Variants in AP3D1 observed in about 807,000 individuals in gnomAD.
AP3D1 encodes the protein AP-3 complex subunit delta-1.
In AP3D1, 51 loss-of-function variants were observed where a neutral mutation model predicts 147.6. That is an observed-to-expected ratio of 0.35 (90% CI 0.28 to 0.44). The LOEUF is 0.44. Ranked by LOEUF, AP3D1 falls within the 20% of genes least tolerant of loss-of-function variation. AP3D1 has a pLI of 1.00. For missense variants in AP3D1, 1,421 were observed against 1,624.2 expected (o/e 0.87, Z 2.15); for synonymous variants, 760 against 663.0 (o/e 1.15, Z -2.25).
chr19:2,114,143 C>T lies in AP3D1; in HGVS notation c.2583G>A (p.Lys861=), dbSNP rs1218176901. ...GCCTTACCTTCTTCTCCTTCTCCTT[C>T]TTCTTCTCCTTGTCTCTCTCTTTCT... ...HKEKERDKEK[K]KEKEKKAEDL... Residue 861 remains lysine, a synonymous_variant, in exon 22 of 32, where the codon AAG becomes AAA. Transcript: ENST00000643116. The T allele has an allele frequency of 5.1e-6, 8 of 1,560,996 alleles. No individual in the cohort carries two copies. The highest frequency in any genetic ancestry group is 4.8e-5 in the East Asian group (2 of 41,810).
rs1010519171 is a variant in AP3D1 at position 2,111,506 on chromosome 19, C to CG, written c.2937+172dup. The CG allele has an allele frequency of 2.5e-6, 3 of 1,198,718 alleles. No individual in the cohort carries two copies. The East Asian group carries it at 7.7e-5, about 31-fold the overall frequency. 74.3% of individuals were successfully genotyped at this position (1,198,718 alleles called of 1,614,324 possible). A position where few individuals can be genotyped will look rare whatever the true frequency, so the allele number is the denominator to read the frequency against. ...GCTCCCAGGACCACACAGCCCACCA[C>CG]GGGGGTGCCTAATGTGGGGCTGCGG... is the stretch of plus-strand genomic sequence containing the variant. On this transcript the variant is annotated intron_variant, in intron 25 of 31. Transcript: ENST00000643116.
intron 31 of AP3D1, among the ~76,000 whole-genome samples, chr19:2,107,344 A>G (rs1599437490): frequency 1.3e-5 from 2 of 152,224 alleles, no homozygotes; most frequent in East Asian, 1.9e-4. Context: ...GAGCCAGAAG[A>G]AGGCAGAGAA....
intron 1 of AP3D1, 92 bp downstream of exon 1, chr19:2,151,147 G>A (rs2019498033): frequency 1.9e-5 from 24 of 1,238,596 alleles, no homozygotes; most frequent in Non-Finnish European, 2.6e-5. Context: ...GAGCCCGGGC[G>A]GGCGGCAGGC....
intron 1 of AP3D1, among the ~76,000 whole-genome samples, chr19:2,157,493 C>T (rs915680058): frequency 6.6e-6 from 1 of 151,236 alleles, no homozygotes; most frequent in African/African-American, 2.4e-5. Context: ...ACCTATCCAG[C>T]CAACCATCCA....
chr19:2,124,112 C>T (rs766975243), intron 9 of AP3D1, among the ~76,000 whole-genome samples: 2 of 152,234 alleles, frequency 1.3e-5, no homozygotes, highest in Non-Finnish European at 2.9e-5. Context: ...CAGGATGGCT[C>T]GGGGCCTCAG....
At chr19:2,122,028 G>A (rs915654117) in intron 11 of AP3D1, 149 bp from the exon 12 acceptor site, 2 of 931,620 alleles carry the variant, frequency 2.1e-6, no homozygotes, top group East Asian at 3.0e-5. Context: ...ATCCCAGCTG[G>A]AGCTCACCAC....
At chr19:2,123,526 T>C (rs551107252) in intron 10 of AP3D1, 120 bp from the exon 11 acceptor site, 5 of 1,033,814 alleles carry the variant, frequency 4.8e-6, no homozygotes, top group Non-Finnish European at 4.2e-6. Flanking sequence ...CACCCACCAA[T>C]CAAAGCCCAG....
upstream of AP3D1, among the ~76,000 whole-genome samples, chr19:2,154,838 G>A (rs927997909): frequency 4.6e-5 from 7 of 152,198 alleles, no homozygotes; most frequent in South Asian, 2.1e-4. Context: ...GCCCAATTAC[G>A]TTTCTTTATG....
intron 1 of AP3D1, among the ~76,000 whole-genome samples, chr19:2,163,458 C>G (rs1337322926): frequency 6.6e-6 from 1 of 150,624 alleles, no homozygotes; most frequent in Non-Finnish European, 1.5e-5. Context: ...TCCCAAAGTG[C>G]TGGGATTACA....
Position 2,112,878 on chromosome 19 carries a change from C to A in AP3D1, c.2769G>T (p.Glu923Asp). Reference protein sequence around the residue: ...TEAQGEEDDAEGQDQDKKSPK... With the variant: ...TEAQGEEDDADGQDQDKKSPK... ...GCCTCACCTTGTCCTGGTCTTGCCC[C>A]TCGGCATCGTCCTCCTCGCCCTGCG... Residue 923 changes from glutamate to aspartate, a missense_variant, in exon 24 of 32, where the codon GAG (glutamate) becomes GAT (aspartate). Around this residue, in one of 6 missense-constraint regions of AP3D1, gnomAD observed 791 missense variants for 761.4 expected, o/e 1.04. Transcript: ENST00000643116. 1 of 1,612,508 alleles carries A rather than the reference C, an allele frequency of 6.2e-7. No homozygotes were observed. The highest frequency in any genetic ancestry group is 8.5e-7 in the Non-Finnish European group (1 of 1,179,298).
upstream of AP3D1, among the ~76,000 whole-genome samples, chr19:2,155,396 G>T (rs187785354): frequency 2.3e-4 from 34 of 148,768 alleles, no homozygotes; most frequent in Admixed American, 2.2e-3. Flanking sequence ...AATTAGCTGG[G>T]TGTGTCACAC....
At chr19:2,140,755 C>CTTTT (rs71176516) in intron 1 of AP3D1, among the ~76,000 whole-genome samples, 67 of 107,208 alleles carry the variant, frequency 6.2e-4, no homozygotes, top group Non-Finnish European at 9.2e-4. Context: ...ACACAAACGT[C>CTTTT]TTTTTTTTTT....
In AP3D1 at chr19:2,115,395, C is replaced by T. The variant is rs2018416418; in HGVS notation, c.2173G>A (p.Val725Met). ...VPGLPMSDQY[V>M]KLEEERRHRQ... ...TGCCGCCGCTCCTCCTCCAGCTTCACATACTGATCTGACATAGGCAGCCCT... is the reference window on the plus strand; with the variant it reads ...TGCCGCCGCTCCTCCTCCAGCTTCATATACTGATCTGACATAGGCAGCCCT... The change falls in exon 20 of 32, where the codon GTG (valine) becomes ATG (methionine). Residue 725 changes from valine to methionine, a missense_variant. Val to Met is a conservative substitution (Grantham distance 21). Around this residue, in one of 6 missense-constraint regions of AP3D1, gnomAD observed 791 missense variants for 761.4 expected, o/e 1.04. Coordinates refer to ENST00000643116, the MANE Select transcript of AP3D1 (RefSeq NM_001261826.3). The T allele has an allele frequency of 1.9e-6, 3 of 1,607,150 alleles. No homozygotes were observed. The African/African-American group carries it at 4.0e-5, about 21-fold the overall frequency.
Position 2,108,783 on chromosome 19 carries a change from A to G in AP3D1, c.3473-17T>C. On this transcript the variant is annotated splice_polypyrimidine_tract_variant and intron_variant, in intron 30 of 31. Transcript: ENST00000643116. ...GCTCCACAACTGCAACAGAGCGGGCAGTGTTAGGCTTCCCGGACATTGCAT... is the reference window on the plus strand; with the variant it reads ...GCTCCACAACTGCAACAGAGCGGGCGGTGTTAGGCTTCCCGGACATTGCAT... 6.4e-7 allele frequency: 1 copy of G among 1,557,360 alleles called. No homozygotes were observed. Among genetic ancestry groups the G allele is most frequent in the Non-Finnish European group, 8.7e-7 (1 of 1,150,488 alleles).
chr19:2,118,863 G>T, intron 14 of AP3D1, 31 bp from the exon 15 acceptor site: 3 of 1,593,914 alleles, frequency 1.9e-6, no homozygotes, highest in Non-Finnish European at 2.6e-6. Flanking sequence ...GAGCCCCCAG[G>T]ATGCCAATCC....
At chr19:2,107,366 AC>A (rs1172501706) in intron 31 of AP3D1, among the ~76,000 whole-genome samples, 1 of 152,148 alleles carries the variant, frequency 6.6e-6, no homozygotes, top group East Asian at 1.9e-4. Flanking sequence ...CGAAAGAAAC[AC>A]GTGCAAACTG....
intron 1 of AP3D1, among the ~76,000 whole-genome samples, chr19:2,143,907 G>A (rs2019289706): frequency 6.6e-6 from 1 of 152,098 alleles, no homozygotes; most frequent in African/African-American, 2.4e-5. Context: ...GACCAACGTG[G>A]AGAAACCCCA....
At chr19:2,131,851 C>G (rs1038440373) in intron 5 of AP3D1, among the ~76,000 whole-genome samples, 1 of 150,502 alleles carries the variant, frequency 6.6e-6, no homozygotes, top group African/African-American at 2.5e-5. Flanking sequence ...GGGGACAGCG[C>G]CCATCGGCCA....
intron 1 of AP3D1, among the ~76,000 whole-genome samples, chr19:2,161,841 T>G (rs947002140): frequency 1.1e-4 from 16 of 151,764 alleles, no homozygotes; most frequent in African/African-American, 3.6e-4. Context: ...CCCAGCTACT[T>G]GGGAGGCTGA....
Sources: allele counts gnomAD v4.1 joint callset (sites outside exome capture counted in the v4.1 genomes callset), GRCh38; gene constraint gnomAD v4.1.1; regional missense constraint gnomAD v4.1.1; transcripts MANE v1.5; gene names NCBI Gene and HGNC (gene_info 2026-07-23, HGNC 2026-07-21).